Variants in PRKAR2B observed in about 807,000 individuals in gnomAD.
The protein encoded by PRKAR2B is cAMP-dependent protein kinase type II-beta regulatory subunit.
PRKAR2B carries 14 observed loss-of-function variants against 49.9 expected under a neutral mutation model. The observed-to-expected ratio is 0.28, with a 90% CI of 0.19 to 0.44. PRKAR2B has a LOEUF of 0.44. Among genes scored for constraint, PRKAR2B ranks in the 20% least tolerant of loss-of-function variants. The pLI, the probability that PRKAR2B is intolerant of heterozygous loss-of-function variation, is 1.00. For synonymous variants in PRKAR2B, 196 were observed against 197.7 expected (o/e 0.99, Z 0.07); for missense variants, 393 against 537.9 (o/e 0.73, Z 2.67).
At chr7:107,050,870 G>GT (rs1186764017) in intron 1 of PRKAR2B, among the ~76,000 whole-genome samples, 1 of 152,004 alleles carries the variant, frequency 6.6e-6, no homozygotes, top group Non-Finnish European at 1.5e-5. Context: ...GTTTTTGTTT[G>GT]TTTTTTGGTA....
intron 2 of PRKAR2B, among the ~76,000 whole-genome samples, chr7:107,115,000 A>C (rs1795245261): frequency 6.6e-6 from 1 of 152,196 alleles, no homozygotes. Flanking sequence ...AAATATTTAA[A>C]ATATCTAAAA....
intron 2 of PRKAR2B, among the ~76,000 whole-genome samples, chr7:107,110,896 A>G (rs1331238075): frequency 6.6e-6 from 1 of 152,148 alleles, no homozygotes; most frequent in Non-Finnish European, 1.5e-5. Context: ...CAGAGGGAAA[A>G]GTAAAGGGGA....
At chr7:107,102,751 A>C (rs1472674699) in intron 2 of PRKAR2B, among the ~76,000 whole-genome samples, 1 of 152,078 alleles carries the variant, frequency 6.6e-6, no homozygotes, top group South Asian at 2.1e-4. Context: ...GCTCATTGCA[A>C]CCTCTGCCTC....
Position 107,161,207 on chromosome 7 carries a change from G to GCT in PRKAR2B, c.*1630_*1631dup, listed in dbSNP as rs994917605. ...CAAAACCTTCTTGTAGGAAAAGAGA[G>GCT]CTCTCTACATGAAGATGACTTGTTT... On this transcript the variant is annotated 3_prime_UTR_variant, in exon 11 of 11. Coordinates refer to ENST00000265717, the MANE Select transcript of PRKAR2B (RefSeq NM_002736.3). The GCT allele has an allele frequency of 6.6e-6, 1 of 152,128 alleles. No homozygotes were observed. The highest frequency in any genetic ancestry group is 6.5e-5 in the Admixed American group (1 of 15,286). The allele number at this position is 152,128 out of a possible 1,614,324, so 9.4% of individuals were successfully genotyped here.
intron 2 of PRKAR2B, among the ~76,000 whole-genome samples, chr7:107,109,430 T>A (rs1350882527): frequency 6.7e-6 from 1 of 150,350 alleles, no homozygotes; most frequent in East Asian, 1.9e-4. Flanking sequence ...CAGCTAATTT[T>A]TTTTTTTTTT....
intron 1 of PRKAR2B, among the ~76,000 whole-genome samples, chr7:107,046,373 G>T (rs1175895893): frequency 1.3e-5 from 2 of 152,178 alleles, no homozygotes; most frequent in African/African-American, 2.4e-5. Flanking sequence ...ATTTAAAAGT[G>T]TCATTTCATT....
At chr7:107,119,467 A>G (rs1368444229) in intron 2 of PRKAR2B, among the ~76,000 whole-genome samples, 1 of 152,200 alleles carries the variant, frequency 6.6e-6, no homozygotes, top group African/African-American at 2.4e-5. Flanking sequence ...GCACTGGGCC[A>G]TACAAATTAT....
At chr7:107,070,471 A>C (rs755804432) in intron 2 of PRKAR2B, among the ~76,000 whole-genome samples, 155 bp downstream of exon 2, 1 of 152,228 alleles carries the variant, frequency 6.6e-6, no homozygotes, top group African/African-American at 2.4e-5. Context: ...TATAATCACT[A>C]TCTAGGAAGC....
chr7:107,120,549 T>C (rs1795368776), intron 2 of PRKAR2B, among the ~76,000 whole-genome samples: 1 of 152,146 alleles, frequency 6.6e-6, no homozygotes, highest in Middle Eastern at 3.2e-3. Flanking sequence ...TCCTTAAATT[T>C]TTATATCTAT....
At chr7:107,131,737 C>G (rs1795606941) in intron 4 of PRKAR2B, among the ~76,000 whole-genome samples, 2 of 152,072 alleles carry the variant, frequency 1.3e-5, no homozygotes, top group South Asian at 4.2e-4. Flanking sequence ...AAATTACCAC[C>G]TGGAATAAGA....
chr7:107,065,316 GTGTGTATGT>G (rs1794113858), intron 1 of PRKAR2B, among the ~76,000 whole-genome samples: 2 of 58,174 alleles, frequency 3.4e-5, no homozygotes, highest in South Asian at 1.6e-3. Context: ...TGCTCGGGGT[GTGTGTATGT>G]GTGTGTGTGT....
At chr7:107,140,696 A>C (rs1365354891) in intron 4 of PRKAR2B, 151 bp from the exon 5 acceptor site, 1 of 513,066 alleles carries the variant, frequency 1.9e-6, no homozygotes, top group Non-Finnish European at 3.5e-6. Flanking sequence ...TGTGGTAAGA[A>C]AGACTACTAT....
intron 2 of PRKAR2B, among the ~76,000 whole-genome samples, chr7:107,116,868 T>C (rs1315576717): frequency 6.7e-6 from 1 of 148,162 alleles, no homozygotes; most frequent in Non-Finnish European, 1.5e-5. Context: ...TATATATACA[T>C]ATATATATAT....
At chr7:107,052,139 C>T (rs370497350) in intron 1 of PRKAR2B, among the ~76,000 whole-genome samples, 6 of 152,108 alleles carry the variant, frequency 3.9e-5, no homozygotes, top group South Asian at 2.1e-4. Flanking sequence ...CCTTTTAGGC[C>T]GGGCACGGTG....
At chr7:107,133,704 C>CA (rs1795643510) in intron 4 of PRKAR2B, 1 of 152,216 alleles carries the variant, frequency 6.6e-6, no homozygotes, top group Admixed American at 6.5e-5. Context: ...GCAAACCCAT[C>CA]ACCATCATTC....
At chr7:107,090,344 T>G (rs1794713778) in intron 2 of PRKAR2B, among the ~76,000 whole-genome samples, 1 of 152,078 alleles carries the variant, frequency 6.6e-6, no homozygotes. Context: ...AAGAAAGAGG[T>G]GGACCTGACA....
In PRKAR2B at chr7:107,045,169, G is replaced by C; in HGVS notation, c.262G>C (p.Gly88Arg). 2 of 1,482,590 alleles carry C rather than the reference G, an allele frequency of 1.3e-6. No individual in the cohort carries two copies. The highest frequency in any genetic ancestry group is 1.8e-6 in the Non-Finnish European group (2 of 1,116,794). The allele number at this position is 1,482,590 out of a possible 1,614,324, so 91.8% of individuals were successfully genotyped here. The change falls in exon 1 of 11, where the codon GGG (glycine) becomes CGG (arginine). Residue 88 changes from glycine to arginine, a missense_variant. By Grantham distance (125) the Gly-to-Arg change is moderately radical (BLOSUM62 -2). Coordinates refer to ENST00000265717, the MANE Select transcript of PRKAR2B (RefSeq NM_002736.3). ...EEPMQSDSED[G>R]EEEEAAPADA... ...GCCCATGCAGTCCGACTCCGAGGAC[G>C]GGGAGGAGGAGGAGGCGGCGCCCGC...
At chr7:107,085,368 C>T (rs1385414989) in intron 2 of PRKAR2B, among the ~76,000 whole-genome samples, 1 of 152,104 alleles carries the variant, frequency 6.6e-6, no homozygotes, top group African/African-American at 2.4e-5. Context: ...ATGTTTCTCA[C>T]TGTAAGGTTC....
In PRKAR2B at chr7:107,045,051, C is replaced by T. The variant is rs1487316554; in HGVS notation, c.144C>T (p.Thr48=). Residue 48 remains threonine (T), a synonymous_variant, in exon 1 of 11, where the codon ACC becomes ACT. Transcript: ENST00000265717. The stretch of plus-strand genomic sequence containing the variant: ...AGCAGGAGAACGAGCGCAAAGGCAC[C>T]GCGCGCTTCGGCCATGAGGGCAGGA... ...RLQQENERKG[T]ARFGHEGRTW... The T allele has an allele frequency of 1.3e-6, 2 of 1,545,508 alleles. No homozygotes were observed. The highest frequency in any genetic ancestry group is 1.4e-5 in the African/African-American group (1 of 73,466).
Sources: gnomAD v4.1 joint callset for allele counts (sites outside exome capture counted in the v4.1 genomes callset) on GRCh38, gnomAD v4.1.1 for gene constraint, MANE v1.5 for transcripts, NCBI Gene and HGNC (gene_info 2026-07-23, HGNC 2026-07-21) for gene names.